SAMMSON: variants seen among roughly 807,000 people sequenced by gnomAD.
SAMMSON encodes the protein survival associated mitochondrial melanoma specific oncogenic non-coding RNA, also known as long intergenic non-protein coding RNA 1212.
At chr3:70,103,555 G>C (rs1576122590) in intron 4 of SAMMSON, among the ~76,000 whole-genome samples, 1 of 152,278 alleles carries the variant, frequency 6.6e-6, no homozygotes, top group East Asian at 1.9e-4. Flanking sequence ...CACCCTAAAA[G>C]ATTGTGAATC....
chr3:70,049,619 T>G (rs776388208), intron 3 of SAMMSON, among the ~76,000 whole-genome samples: 3 of 152,154 alleles, frequency 2.0e-5, no homozygotes, highest in Non-Finnish European at 2.9e-5. Flanking sequence ...AGCCCATTAA[T>G]GTTTATTATC....
rs187899684 is a variant in SAMMSON at position 70,224,880 on chromosome 3, T to G, written n.508-24227T>G. ...AAAGGAGATGGCTGAAAATGTATGT[T>G]AAGTGAAAACATAATATTATACCCT... On this transcript the variant is annotated intron_variant and non_coding_transcript_variant, in intron 4 of 9. Transcript: ENST00000642114. Among the ~76,000 whole-genome samples, 19 of 152,266 alleles carry G rather than the reference T, an allele frequency of 1.2e-4. No homozygotes were observed. The East Asian group carries it at 3.3e-3, about 26-fold the overall frequency.
chr3:70,143,790 C>G (rs1006773627), intron 4 of SAMMSON, among the ~76,000 whole-genome samples: 1 of 152,154 alleles, frequency 6.6e-6, no homozygotes, highest in Non-Finnish European at 1.5e-5. Flanking sequence ...TCCCTGAACC[C>G]TGACCACATC....
intron 3 of SAMMSON, among the ~76,000 whole-genome samples, chr3:70,038,688 T>A (rs1161050517): frequency 6.6e-6 from 1 of 152,206 alleles, no homozygotes; most frequent in East Asian, 1.9e-4. Context: ...ATGGAAATTT[T>A]GAAGTAAATG....
At position 70,163,247 on chromosome 3, in the gene SAMMSON, G is replaced by A. The variant is rs1342837951; in HGVS notation, n.508-85860G>A. Among the ~76,000 whole-genome samples the A allele has an allele frequency of 2.7e-5, 4 of 149,568 alleles. No individual in the cohort carries two copies. The East Asian group carries it at 7.9e-4, about 29-fold the overall frequency. ...TGTGCCACCACTACTGCCCTCTTTT[G>A]TGTTAAATATATATTTTAAGTGTAC... On this transcript the variant is annotated intron_variant and non_coding_transcript_variant, in intron 4 of 9. Transcript: ENST00000642114.
intron 4 of SAMMSON, among the ~76,000 whole-genome samples, chr3:70,075,739 G>T (rs2067246254): frequency 6.6e-6 from 1 of 152,078 alleles, no homozygotes; most frequent in Non-Finnish European, 1.5e-5. Flanking sequence ...GCAAGGAAAA[G>T]GATTTCAGAC....
rs1325700195 is a variant in SAMMSON, at chr3:70,337,020, T to G, written n.740-17155T>G. The stretch of plus-strand genomic sequence containing the variant: ...ATAATAATATCTAACTTAATATTAT[T>G]ATTATTAATAATAATATCTAACTTA... On this transcript the variant is annotated intron_variant and non_coding_transcript_variant, in intron 7 of 9. Transcript: ENST00000642114. Among the ~76,000 whole-genome samples, 6 of 141,428 alleles carry G rather than the reference T, an allele frequency of 4.2e-5. No individual in the cohort carries two copies. The South Asian group carries it at 1.4e-3, about 32-fold the overall frequency. The allele number at this position is 141,428 out of a possible 152,430, so 92.8% of individuals were successfully genotyped here. A position where few individuals can be genotyped will look rare whatever the true frequency, so the allele number is the denominator to read the frequency against.
At chr3:70,042,812 T>A (rs939183665) in intron 3 of SAMMSON, among the ~76,000 whole-genome samples, 8 of 152,210 alleles carry the variant, frequency 5.3e-5, no homozygotes, top group Admixed American at 5.2e-4. Flanking sequence ...TATGAAAGGT[T>A]AATTCAGAAA....
intron 4 of SAMMSON, among the ~76,000 whole-genome samples, chr3:70,167,334 T>A (rs2067641326): frequency 6.6e-6 from 1 of 151,962 alleles, no homozygotes; most frequent in Non-Finnish European, 1.5e-5. Flanking sequence ...GAATATATAG[T>A]GAGTGATTTT....
At chr3:70,344,524 T>G (rs1200845976) in intron 7 of SAMMSON, among the ~76,000 whole-genome samples, 1 of 152,200 alleles carries the variant, frequency 6.6e-6, no homozygotes, top group East Asian at 1.9e-4. Context: ...TGATTCTTCC[T>G]GGACACCAGA....
chr3:70,233,007 G>A (rs1260887136), intron 4 of SAMMSON, among the ~76,000 whole-genome samples: 2 of 152,130 alleles, frequency 1.3e-5, no homozygotes, highest in Admixed American at 1.3e-4. Flanking sequence ...TGGTTATCAT[G>A]GTGAAATACA....
At chr3:70,414,323 C>G (rs1269663745) in intron 2 of SAMMSON, among the ~76,000 whole-genome samples, 2 of 151,998 alleles carry the variant, frequency 1.3e-5, no homozygotes, top group Non-Finnish European at 2.9e-5. Flanking sequence ...TAATGAGATG[C>G]TAGACTTTAT....
intron 3 of SAMMSON, among the ~76,000 whole-genome samples, chr3:70,035,706 G>A (rs1207432335): frequency 6.6e-6 from 1 of 152,138 alleles, no homozygotes; most frequent in African/African-American, 2.4e-5. Context: ...GAGGCAGGCT[G>A]GTGATAACCT....
Position 70,011,970 on chromosome 3 carries a change from C to T in SAMMSON, n.23-387C>T, listed in dbSNP as rs1049714200. ...TGCATCTGACAACCAGAAATGGCAA[C>T]GCTGTGAGTTAGAGGTGATATGGTC... On this transcript the variant is annotated intron_variant and non_coding_transcript_variant, in intron 1 of 9. Transcript: ENST00000642114. Among the ~76,000 whole-genome samples, 12 of 152,004 alleles carry T rather than the reference C, an allele frequency of 7.9e-5. 2 individuals carry two copies. In the South Asian group the frequency reaches 1.5e-3, roughly 18 times the overall value.
intron 3 of SAMMSON, among the ~76,000 whole-genome samples, chr3:70,028,224 T>C (rs2067050740): frequency 6.6e-6 from 1 of 151,994 alleles, no homozygotes; most frequent in African/African-American, 2.4e-5. Context: ...TCTTTCTCTT[T>C]TTCTTTCTTG....
chr3:70,271,312 T>A (rs536384905), intron 6 of SAMMSON, among the ~76,000 whole-genome samples: 1 of 152,210 alleles, frequency 6.6e-6, no homozygotes, highest in Non-Finnish European at 1.5e-5. Context: ...CAGAGTAAAC[T>A]GGAGAGCATT....
intron 9 of SAMMSON, among the ~76,000 whole-genome samples, chr3:70,362,018 T>C (rs566969448): frequency 6.6e-6 from 1 of 152,250 alleles, no homozygotes; most frequent in South Asian, 2.1e-4. Context: ...GAGATGAATG[T>C]TTACACCTTG....
intron 4 of SAMMSON, among the ~76,000 whole-genome samples, chr3:70,095,431 G>T (rs1050727689): frequency 1.3e-5 from 2 of 152,166 alleles, no homozygotes; most frequent in Non-Finnish European, 2.9e-5. Flanking sequence ...GGGAGAGGGA[G>T]GTGCCTGACA....
intron 4 of SAMMSON, among the ~76,000 whole-genome samples, chr3:70,189,681 C>T (rs1484316913): frequency 6.6e-6 from 1 of 152,208 alleles, no homozygotes; most frequent in East Asian, 1.9e-4. Flanking sequence ...TAGACATCAG[C>T]TCCAGATTTG....
Sources: gnomAD v4.1 joint callset for allele counts (sites outside exome capture counted in the v4.1 genomes callset) on GRCh38, gnomAD v4.1.1 for gene constraint, MANE v1.5 for transcripts, NCBI Gene and HGNC (gene_info 2026-07-23, HGNC 2026-07-21) for gene names.